HMGCLL1: variants seen among roughly 807,000 people sequenced by gnomAD.
HMGCLL1 encodes 3-hydroxy-3-methylglutaryl-CoA lyase like 1, also known as 3-hydroxymethyl-3-methylglutaryl-CoA lyase, cytoplasmic.
HMGCLL1 carries 36 observed loss-of-function variants against 39.1 expected under a neutral mutation model. The ratio of observed to expected loss-of-function variants is 0.92; its 90% CI spans 0.71 to 1.22. The LOEUF is 1.22. Among genes scored for constraint, HMGCLL1 ranks in the 50% most tolerant of loss-of-function variants. The probability of loss-of-function intolerance (pLI) is 0.00; values close to 1 mark genes in which losing one functional copy is unlikely to be tolerated. For missense variants in HMGCLL1, 451 were observed against 416.5 expected, an observed-to-expected ratio of 1.08 and a Z score of -0.72; for synonymous variants, 149 against 144.0, an observed-to-expected ratio of 1.03 and a Z score of -0.25.
At chr6:55,624,480 T>A in the HMGCLL1 span, among the ~76,000 whole-genome samples, 1 of 152,184 alleles carries the variant, frequency 6.6e-6, no homozygotes, top group African/African-American at 2.4e-5. Context: ...GCAATATACC[T>A]TTACTGTCCT....
At chr6:55,540,415 G>T (rs762151632) in intron 3 of HMGCLL1, among the ~76,000 whole-genome samples, 6 of 152,122 alleles carry the variant, frequency 3.9e-5, no homozygotes, top group Non-Finnish European at 7.4e-5. Context: ...GAGCTCTCAT[G>T]AATGGCATTA....
chr6:55,650,105 A>ATATATATATG, the HMGCLL1 span, among the ~76,000 whole-genome samples: 2 of 67,606 alleles, frequency 3.0e-5, no homozygotes, highest in Non-Finnish European at 5.2e-5. Flanking sequence ...ATATATATAT[A>ATATATATATG]TATATATATA....
intron 7 of HMGCLL1, among the ~76,000 whole-genome samples, chr6:55,480,871 A>G (rs1325784178): frequency 1.3e-5 from 2 of 152,154 alleles, no homozygotes; most frequent in Non-Finnish European, 2.9e-5. Flanking sequence ...TAAGTGAAAT[A>G]AGCCAGGCAC....
At chr6:55,647,742 T>TC in the HMGCLL1 span, among the ~76,000 whole-genome samples, 2 of 124,280 alleles carry the variant, frequency 1.6e-5, no homozygotes, top group African/African-American at 7.4e-5. Context: ...TCTTTTTTTT[T>TC]TCCTTTTTTT....
chr6:55,478,875 G>C (rs1023909992), intron 7 of HMGCLL1, among the ~76,000 whole-genome samples: 1 of 150,980 alleles, frequency 6.6e-6, no homozygotes, highest in African/African-American at 2.5e-5. Context: ...ATGGTAAATG[G>C]ATACATTAAA....
chr6:55,519,456 T>A (rs1253101535), intron 3 of HMGCLL1, among the ~76,000 whole-genome samples: 1 of 152,182 alleles, frequency 6.6e-6, no homozygotes. Flanking sequence ...ACACAGTTTT[T>A]GATTGCATAT....
At chr6:55,563,999 G>T in intron 1 of HMGCLL1, 3 of 556,420 alleles carry the variant, frequency 5.4e-6, no homozygotes, top group African/African-American at 1.9e-5. Flanking sequence ...GCAGTTTTTT[G>T]AAATGCTAAG....
intron 1 of HMGCLL1, among the ~76,000 whole-genome samples, chr6:55,561,799 T>C (rs1200589101): frequency 1.3e-5 from 2 of 152,172 alleles, no homozygotes; most frequent in African/African-American, 4.8e-5. Context: ...TTCTAATTTC[T>C]TCTTTCATTT....
chr6:55,660,147 T>A, the HMGCLL1 span, among the ~76,000 whole-genome samples: 1 of 151,808 alleles, frequency 6.6e-6, no homozygotes, highest in African/African-American at 2.4e-5. Flanking sequence ...CATTACTGAA[T>A]AATATTTAGT....
intron 7 of HMGCLL1, 151 bp from the exon 8 acceptor site, chr6:55,439,710 C>A (rs1581781216): frequency 4.5e-6 from 3 of 660,624 alleles, no homozygotes; most frequent in Non-Finnish European, 7.3e-6. Context: ...AGAATGGTCC[C>A]CAGGGTGCTT....
intron 1 of HMGCLL1, among the ~76,000 whole-genome samples, 165 bp from the exon 2 acceptor site, chr6:55,542,305 G>A (rs1769486810): frequency 6.6e-6 from 1 of 151,968 alleles, no homozygotes; most frequent in Admixed American, 6.6e-5. Flanking sequence ...TATATTACTT[G>A]CAACATGAAG....
intron 7 of HMGCLL1, among the ~76,000 whole-genome samples, chr6:55,446,121 A>G (rs1202835548): frequency 6.6e-6 from 1 of 151,812 alleles, no homozygotes; most frequent in African/African-American, 2.4e-5. Context: ...AGCATTATAA[A>G]CTAAAGTGAC....
chr6:55,645,928 C>T, the HMGCLL1 span, among the ~76,000 whole-genome samples: 1 of 151,704 alleles, frequency 6.6e-6, no homozygotes, highest in East Asian at 1.9e-4. Context: ...TGAAAGTATT[C>T]TCTCTTCTTC....
intron 3 of HMGCLL1, among the ~76,000 whole-genome samples, chr6:55,532,438 C>A (rs1427686119): frequency 6.6e-6 from 1 of 151,920 alleles, no homozygotes; most frequent in African/African-American, 2.4e-5. Flanking sequence ...CTGAGTAATA[C>A]CAAACGATGT....
At chr6:55,504,094 T>C (rs1310758916) in intron 5 of HMGCLL1, among the ~76,000 whole-genome samples, 1 of 151,752 alleles carries the variant, frequency 6.6e-6, no homozygotes, top group East Asian at 1.9e-4. Context: ...TAGCAATCTG[T>C]GAAACTCCAA....
At chr6:55,655,930 C>T in the HMGCLL1 span, among the ~76,000 whole-genome samples, 1 of 151,868 alleles carries the variant, frequency 6.6e-6, no homozygotes, top group African/African-American at 2.4e-5. Flanking sequence ...ATTGGTCATC[C>T]CTTGATATTT....
At chr6:55,654,100 G>A in the HMGCLL1 span, among the ~76,000 whole-genome samples, 1 of 151,824 alleles carries the variant, frequency 6.6e-6, no homozygotes, top group Non-Finnish European at 1.5e-5. Flanking sequence ...GAGTGTAAAT[G>A]CCAACAACAT....
intron 7 of HMGCLL1, among the ~76,000 whole-genome samples, chr6:55,480,077 G>A (rs1045162571): frequency 6.6e-6 from 1 of 151,500 alleles, no homozygotes; most frequent in Non-Finnish European, 1.5e-5. Context: ...TGTCTTCCTT[G>A]AGTAATACCC....
the HMGCLL1 span, among the ~76,000 whole-genome samples, chr6:55,606,128 ACTT>A: frequency 3.3e-5 from 5 of 152,250 alleles, no homozygotes; most frequent in African/African-American, 1.2e-4. Flanking sequence ...TAAATCCTCT[ACTT>A]CTTTTTGAGC....
Sources: allele counts gnomAD v4.1 joint callset (sites outside exome capture counted in the v4.1 genomes callset), GRCh38; gene constraint gnomAD v4.1.1; transcripts MANE v1.5; gene names NCBI Gene and HGNC (gene_info 2026-07-23, HGNC 2026-07-21).